The following SHISA9 variants were observed in gnomAD, a reference collection of about 807,000 sequenced individuals.
SHISA9 encodes shisa family member 9, also known as protein shisa-9.
SHISA9 carries 13 observed loss-of-function variants against 38.0 expected under a neutral mutation model. The observed-to-expected ratio is 0.34, with a 90% CI of 0.22 to 0.54. SHISA9 has a LOEUF of 0.54. Among genes scored for constraint, SHISA9 ranks in the 20% least tolerant of loss-of-function variants. The pLI, the probability that SHISA9 is intolerant of heterozygous loss-of-function variation, is 0.91. For synonymous variants in SHISA9, 275 were observed against 242.0 expected (o/e 1.14, Z -1.27); for missense variants, 538 against 575.8 (o/e 0.93, Z 0.67).
At chr16:13,523,909 G>C in the SHISA9 span, among the ~76,000 whole-genome samples, 5 of 152,114 alleles carry the variant, frequency 3.3e-5, no homozygotes, top group Non-Finnish European at 7.4e-5. Context: ...TATATGCATT[G>C]TCCTCTTTGA....
chr16:13,328,916 C>G, the SHISA9 span, among the ~76,000 whole-genome samples: 75 of 151,746 alleles, frequency 4.9e-4, no homozygotes, highest in African/African-American at 1.7e-3. Context: ...CATTTTTTTT[C>G]CCTAACAAGG....
chr16:13,558,870 T>A, the SHISA9 span, among the ~76,000 whole-genome samples: 1 of 152,254 alleles, frequency 6.6e-6, no homozygotes. Context: ...CATCACCTGA[T>A]TAACATTTTT....
chr16:13,036,022 T>C (rs1358904247), intron 2 of SHISA9, among the ~76,000 whole-genome samples: 2 of 152,104 alleles, frequency 1.3e-5, no homozygotes, highest in Non-Finnish European at 2.9e-5. Context: ...AAATATGGAG[T>C]GACTGGAATT....
intron 2 of SHISA9, among the ~76,000 whole-genome samples, chr16:13,022,362 G>A (rs760171536): frequency 4.7e-5 from 7 of 149,348 alleles, no homozygotes; most frequent in Non-Finnish European, 1.0e-4. Flanking sequence ...ACAGAGTTTC[G>A]CTCTTGTTGC....
chr16:13,023,191 C>T lies in SHISA9; in HGVS notation c.691+106376C>T, dbSNP rs545403332. ...CCAAGTCCCTGACCCTGCAACAGGC[C>T]CTGGTGTGTGATGTTCCCCACCCTG... On this transcript the variant is annotated intron_variant, in intron 2 of 4. Transcript: ENST00000558583. 2.0e-5 allele frequency among the ~76,000 whole-genome samples: 3 copies of T among 152,178 alleles called. No individual in the cohort carries two copies. In the South Asian group the frequency reaches 6.2e-4, roughly 32 times the overall value.
chr16:13,149,979 A>G (rs2050483259), intron 2 of SHISA9, among the ~76,000 whole-genome samples: 1 of 147,750 alleles, frequency 6.8e-6, no homozygotes, highest in Non-Finnish European at 1.5e-5. Context: ...AGAGCTTAGC[A>G]CAGTGCCCAG....
At position 13,237,365 on chromosome 16, in the gene SHISA9, A is replaced by T. The variant is rs1162793905; in HGVS notation, c.*1956A>T. The T allele has an allele frequency of 1.3e-5, 2 of 152,198 alleles. No homozygotes were observed. The highest frequency in any genetic ancestry group is 4.8e-5 in the African/African-American group (2 of 41,456). The allele number at this position is 152,198 out of a possible 1,614,324, so 9.4% of individuals were successfully genotyped here. On this transcript the variant is annotated 3_prime_UTR_variant, in exon 5 of 5. Transcript: ENST00000558583. ...AACTGCAAAACCTCTACCTGTTTTT[A>T]AAAATGAGATCTTTTGACCAGGCAC...
chr16:13,228,619 T>C (rs1314946985), intron 4 of SHISA9, among the ~76,000 whole-genome samples: 1 of 152,156 alleles, frequency 6.6e-6, no homozygotes, highest in Non-Finnish European at 1.5e-5. Context: ...AGTGAAAGAT[T>C]ACTGGGAGGA....
chr16:13,260,470 C>A, the SHISA9 span, among the ~76,000 whole-genome samples: 3 of 152,096 alleles, frequency 2.0e-5, no homozygotes, highest in Non-Finnish European at 4.4e-5. Flanking sequence ...CCAAAATTAT[C>A]TTTTTCAAGT....
chr16:13,386,060 G>C, the SHISA9 span, among the ~76,000 whole-genome samples: 2 of 152,182 alleles, frequency 1.3e-5, no homozygotes, highest in Admixed American at 6.5e-5. Context: ...CTTCTGTACT[G>C]TGACGGTGCC....
At chr16:12,923,326 T>C (rs557771569) in intron 2 of SHISA9, among the ~76,000 whole-genome samples, 2 of 152,318 alleles carry the variant, frequency 1.3e-5, no homozygotes, top group African/African-American at 4.8e-5. Context: ...GCCATGAGTT[T>C]GAGACCAGTC....
intron 2 of SHISA9, among the ~76,000 whole-genome samples, chr16:13,123,584 A>G (rs973261399): frequency 6.6e-6 from 1 of 152,232 alleles, no homozygotes; most frequent in Non-Finnish European, 1.5e-5. Flanking sequence ...TCTTTGTGAA[A>G]ACAAAGGTCT....
At chr16:13,479,447 A>C in the SHISA9 span, among the ~76,000 whole-genome samples, 1 of 152,160 alleles carries the variant, frequency 6.6e-6, no homozygotes, top group South Asian at 2.1e-4. Flanking sequence ...TGTTGCTGCA[A>C]ATTTTCTTTT....
the SHISA9 span, among the ~76,000 whole-genome samples, chr16:13,367,697 TGCGC>T: frequency 0.19 from 22,440 of 115,452 alleles, 2,510 homozygotes; most frequent in East Asian, 0.42. Context: ...CGCGTGTGCG[TGCGC>T]GCGCGCGCGC....
At chr16:13,110,433 T>C (rs2073967161) in intron 2 of SHISA9, among the ~76,000 whole-genome samples, 1 of 152,210 alleles carries the variant, frequency 6.6e-6, no homozygotes, top group African/African-American at 2.4e-5. Context: ...AAGAGGAATG[T>C]CATGCTGGAA....
the SHISA9 span, among the ~76,000 whole-genome samples, chr16:13,260,007 CTTTTT>C: frequency 1.8e-4 from 11 of 60,414 alleles, no homozygotes; most frequent in South Asian, 1.5e-3. Context: ...TTCTTTCTTT[CTTTTT>C]TTTTTTTTTT....
At chr16:12,981,072 A>T (rs1403529865) in intron 2 of SHISA9, among the ~76,000 whole-genome samples, 1 of 152,038 alleles carries the variant, frequency 6.6e-6, no homozygotes. Context: ...AAATGATTGT[A>T]CTCCTCAAAT....
intron 2 of SHISA9, among the ~76,000 whole-genome samples, chr16:12,976,357 T>C (rs995347693): frequency 1.3e-5 from 2 of 152,074 alleles, no homozygotes; most frequent in African/African-American, 4.8e-5. Flanking sequence ...TCCCAAAGCG[T>C]TGGGATTACA....
the SHISA9 span, among the ~76,000 whole-genome samples, chr16:13,258,010 A>G: frequency 6.6e-6 from 1 of 152,210 alleles, no homozygotes; most frequent in Non-Finnish European, 1.5e-5. Context: ...GCAAGTGGAC[A>G]ATAATTGTGC....
Sources: allele counts gnomAD v4.1 joint callset (sites outside exome capture counted in the v4.1 genomes callset), GRCh38; gene constraint gnomAD v4.1.1; transcripts MANE v1.5; gene names NCBI Gene and HGNC (gene_info 2026-07-23, HGNC 2026-07-21).